The following LUZP2 variants were observed in gnomAD, a reference collection of about 807,000 sequenced individuals.
LUZP2 encodes leucine zipper protein 2.
A neutral mutation model predicts 51.6 loss-of-function variants in LUZP2; 52 were observed. The ratio of observed to expected loss-of-function variants is 1.01; its 90% CI spans 0.81 to 1.27. The LOEUF is 1.27. Among genes scored for constraint, LUZP2 ranks in the 50% most tolerant of loss-of-function variants. The pLI, the probability that LUZP2 is intolerant of heterozygous loss-of-function variation, is 0.00. For missense variants in LUZP2, 436 were observed against 395.4 expected (o/e 1.10, Z -0.87); for synonymous variants, 154 against 137.3 (o/e 1.12, Z -0.85).
chr11:24,970,685 T>A (rs1385800519), intron 7 of LUZP2, among the ~76,000 whole-genome samples: 1 of 152,178 alleles, frequency 6.6e-6, no homozygotes, highest in Admixed American at 6.6e-5. Context: ...AACACAGTTA[T>A]ACCTTCATGT....
At chr11:24,908,619 G>T (rs574919103) in intron 6 of LUZP2, among the ~76,000 whole-genome samples, 1 of 152,046 alleles carries the variant, frequency 6.6e-6, no homozygotes, top group Non-Finnish European at 1.5e-5. Flanking sequence ...TAAATAAAAC[G>T]ATCTAAGTGT....
intron 6 of LUZP2, among the ~76,000 whole-genome samples, chr11:24,908,257 G>A (rs890176935): frequency 2.3e-4 from 35 of 151,856 alleles, no homozygotes; most frequent in Admixed American, 1.9e-3. Flanking sequence ...TATTCACAAG[G>A]GAAGCTACTA....
At chr11:24,922,825 CTTTTTTTTTTTCTTTTTTTTT>C (rs1430501884) in intron 7 of LUZP2, among the ~76,000 whole-genome samples, 38 of 44,622 alleles carry the variant, frequency 8.5e-4, no homozygotes, top group South Asian at 4.4e-3. Flanking sequence ...ACAGTTATAT[CTTTTTTTTTTTCTTTTTTTTT>C]TTTTTTTTTT....
At chr11:24,950,050 A>T (rs901736415) in intron 7 of LUZP2, among the ~76,000 whole-genome samples, 3 of 147,398 alleles carry the variant, frequency 2.0e-5, no homozygotes, top group Non-Finnish European at 3.0e-5. Flanking sequence ...GATACCCATG[A>T]TGGATGGGTA....
intron 1 of LUZP2, among the ~76,000 whole-genome samples, chr11:24,708,748 G>C (rs1346422443): frequency 1.3e-5 from 2 of 152,174 alleles, no homozygotes; most frequent in Non-Finnish European, 2.9e-5. Flanking sequence ...TGATGATACT[G>C]CTGGAACTCA....
intron 5 of LUZP2, among the ~76,000 whole-genome samples, chr11:24,894,930 G>A (rs536031135): frequency 1.3e-5 from 2 of 152,216 alleles, no homozygotes; most frequent in South Asian, 4.1e-4. Flanking sequence ...TAGAAAATGA[G>A]GAGGAGAAAA....
chr11:24,918,723 G>A (rs538742284), intron 7 of LUZP2, among the ~76,000 whole-genome samples: 21 of 150,436 alleles, frequency 1.4e-4, no homozygotes, highest in African/African-American at 2.4e-4. Context: ...TTAAAATCCC[G>A]TCACCAGAGC....
chr11:24,948,038 G>T (rs2133858396), intron 7 of LUZP2, among the ~76,000 whole-genome samples: 1 of 151,600 alleles, frequency 6.6e-6, no homozygotes, highest in East Asian at 1.9e-4. Context: ...CCTTTCTTTT[G>T]GTATTCCGTA....
chr11:25,042,428 T>C (rs1026744167), intron 9 of LUZP2, among the ~76,000 whole-genome samples: 4 of 152,156 alleles, frequency 2.6e-5, no homozygotes, highest in African/African-American at 9.7e-5. Flanking sequence ...AGAGAAACTT[T>C]GGATACTTTG....
At chr11:24,779,916 A>G (rs1191108912) in intron 5 of LUZP2, among the ~76,000 whole-genome samples, 1 of 152,082 alleles carries the variant, frequency 6.6e-6, no homozygotes, top group African/African-American at 2.4e-5. Context: ...AGGGATGTGA[A>G]TGTGGGCTGA....
Position 24,512,660 on chromosome 11 carries a change from C to T in LUZP2, c.62+15355C>T, listed in dbSNP as rs562992289. Among the ~76,000 whole-genome samples the T allele has an allele frequency of 2.6e-5, 4 of 152,008 alleles. No homozygotes were observed. The East Asian group carries it at 5.8e-4, about 22-fold the overall frequency. On this transcript the variant is annotated intron_variant, in intron 1 of 11. Transcript: ENST00000336930. The stretch of plus-strand genomic sequence containing the variant: ...GTTGTTTGATCTCTAACACTTAATA[C>T]GAAGTTCAACGTTACTTTTTGTATA...
intron 9 of LUZP2, among the ~76,000 whole-genome samples, chr11:25,022,466 C>A (rs948139992): frequency 3.9e-5 from 6 of 151,988 alleles, no homozygotes; most frequent in African/African-American, 1.4e-4. Context: ...TGTGGAAATA[C>A]TTAAATAGGG....
chr11:25,015,431 T>G (rs1335039494), intron 9 of LUZP2, among the ~76,000 whole-genome samples: 1 of 152,196 alleles, frequency 6.6e-6, no homozygotes, highest in Non-Finnish European at 1.5e-5. Flanking sequence ...ACTAATATCC[T>G]TTTCCTATTT....
intron 9 of LUZP2, among the ~76,000 whole-genome samples, chr11:25,037,025 G>A (rs1046785410): frequency 1.3e-5 from 2 of 152,016 alleles, no homozygotes; most frequent in Admixed American, 6.6e-5. Flanking sequence ...TTTCTGCCTC[G>A]ATGATCTGTC....
chr11:24,581,694 TAAA>T (rs1852862224), intron 1 of LUZP2, among the ~76,000 whole-genome samples: 3 of 102,178 alleles, frequency 2.9e-5, no homozygotes, highest in African/African-American at 1.2e-4. Context: ...AATATAAATA[TAAA>T]TATAAATATA....
intron 1 of LUZP2, among the ~76,000 whole-genome samples, chr11:24,567,410 G>T (rs1293250158): frequency 6.6e-6 from 1 of 151,938 alleles, no homozygotes; most frequent in African/African-American, 2.4e-5. Flanking sequence ...TAAATGAACA[G>T]ATTTTTTAAA....
chr11:24,591,896 A>G (rs1853273603), intron 1 of LUZP2, among the ~76,000 whole-genome samples: 1 of 140,280 alleles, frequency 7.1e-6, no homozygotes, highest in Non-Finnish European at 1.6e-5. Context: ...TGGAGCAATT[A>G]TTGTCCAAGG....
intron 1 of LUZP2, among the ~76,000 whole-genome samples, chr11:24,653,042 G>T (rs1301928319): frequency 6.6e-6 from 1 of 152,094 alleles, no homozygotes; most frequent in Non-Finnish European, 1.5e-5. Context: ...GTAGTGGTGG[G>T]GAACAAAATA....
At chr11:24,884,969 A>G (rs749150) in intron 5 of LUZP2, among the ~76,000 whole-genome samples, 63,601 of 151,838 alleles carry the variant, frequency 0.42, 13,728 homozygotes, top group Non-Finnish European at 0.47. Context: ...TTTTTAACCT[A>G]TCAGAATTAT....
Sources: gnomAD v4.1 joint callset for allele counts (sites outside exome capture counted in the v4.1 genomes callset) on GRCh38, gnomAD v4.1.1 for gene constraint, MANE v1.5 for transcripts, NCBI Gene and HGNC (gene_info 2026-07-23, HGNC 2026-07-21) for gene names.